The following HOMER1 variants were observed in gnomAD, a reference collection of about 807,000 sequenced individuals.
HOMER1 encodes the protein homer protein homolog 1.
A neutral mutation model predicts 48.9 loss-of-function variants in HOMER1; 3 were observed. That is an observed-to-expected ratio of 0.06 (90% CI 0.03 to 0.16). HOMER1 has a LOEUF of 0.16. Among genes scored for constraint, HOMER1 ranks in the 10% least tolerant of loss-of-function variants. The pLI, the probability that HOMER1 is intolerant of heterozygous loss-of-function variation, is 1.00. For synonymous variants in HOMER1, 134 were observed against 146.4 expected, an observed-to-expected ratio of 0.92 and a Z score of 0.61; for missense variants, 247 against 411.4, an observed-to-expected ratio of 0.60 and a Z score of 3.46.
At chr5:79,430,161 C>T (rs78081905) in intron 5 of HOMER1, among the ~76,000 whole-genome samples, 4,195 of 151,818 alleles carry the variant, frequency 0.028, 136 homozygotes, top group East Asian at 0.12. Context: ...TTATAAAGAA[C>T]TACAACTCAA....
At chr5:79,445,709 C>T (rs1750856448) in intron 4 of HOMER1, among the ~76,000 whole-genome samples, 1 of 152,096 alleles carries the variant, frequency 6.6e-6, no homozygotes, top group Non-Finnish European at 1.5e-5. Context: ...CACTTGAGGC[C>T]AGGGAGACCA....
rs1032633694 is a variant in HOMER1, at chr5:79,375,158, T to C, written c.*851A>G. 2.0e-5 allele frequency: 3 copies of C among 152,066 alleles called. No homozygotes were observed. Among genetic ancestry groups the C allele is most frequent in the African/African-American group, 7.2e-5 (3 of 41,438 alleles). 9.4% of individuals were successfully genotyped at this position (152,066 alleles called of 1,614,324 possible). A position where few individuals can be genotyped will look rare whatever the true frequency, so the allele number is the denominator to read the frequency against. On this transcript the variant is annotated 3_prime_UTR_variant, in exon 9 of 9. Transcript: ENST00000334082. ...GCATATTCTGTAAATATACTTAACATTGCTAGACCAGCCTGTCAATGACGG... is the reference window on the plus strand; with the variant it reads ...GCATATTCTGTAAATATACTTAACACTGCTAGACCAGCCTGTCAATGACGG...
chr5:79,456,829 C>G, intron 2 of HOMER1, 33 bp downstream of exon 2: 1 of 1,591,130 alleles, frequency 6.3e-7, no homozygotes, highest in Non-Finnish European at 8.6e-7. Flanking sequence ...AAAAGCAAAA[C>G]CAGCCAAATC....
intron 8 of HOMER1, among the ~76,000 whole-genome samples, chr5:79,387,482 G>A (rs969528526): frequency 6.6e-6 from 1 of 152,008 alleles, no homozygotes; most frequent in African/African-American, 2.4e-5. Context: ...TAGAAAAATT[G>A]ACATCTGATA....
intron 1 of HOMER1, among the ~76,000 whole-genome samples, chr5:79,483,735 GAT>G (rs1448260041): frequency 6.9e-6 from 1 of 144,110 alleles, no homozygotes; most frequent in Admixed American, 7.0e-5. Flanking sequence ...CTCTTTAAAA[GAT>G]AATTGACCGT....
chr5:79,449,324 A>G (rs1281932039), intron 3 of HOMER1, among the ~76,000 whole-genome samples: 2 of 152,244 alleles, frequency 1.3e-5, no homozygotes, highest in African/African-American at 2.4e-5. Context: ...ATTTCTCAAC[A>G]GAACTGTTTA....
At chr5:79,398,735 C>T (rs1039573834) in intron 6 of HOMER1, among the ~76,000 whole-genome samples, 4 of 151,984 alleles carry the variant, frequency 2.6e-5, no homozygotes, top group African/African-American at 7.3e-5. Context: ...GTATATTGGC[C>T]CCAACCTTCT....
chr5:79,428,850 G>T (rs998149335), intron 5 of HOMER1, among the ~76,000 whole-genome samples: 4 of 152,082 alleles, frequency 2.6e-5, no homozygotes, highest in Non-Finnish European at 5.9e-5. Context: ...GAACATTTTG[G>T]CCGTGAGCTC....
At chr5:79,495,545 G>C (rs1752396983) in intron 1 of HOMER1, among the ~76,000 whole-genome samples, 1 of 152,116 alleles carries the variant, frequency 6.6e-6, no homozygotes, top group Non-Finnish European at 1.5e-5. Flanking sequence ...ACTTATCTTT[G>C]TACTACCAGT....
chr5:79,422,256 GA>G (rs1252643390), intron 5 of HOMER1, among the ~76,000 whole-genome samples: 1 of 151,630 alleles, frequency 6.6e-6, no homozygotes, highest in Non-Finnish European at 1.5e-5. Flanking sequence ...AAATCAACAT[GA>G]CTGTGCTGAC....
chr5:79,425,354 A>G (rs936491663), intron 5 of HOMER1, among the ~76,000 whole-genome samples: 2 of 151,364 alleles, frequency 1.3e-5, no homozygotes, highest in Admixed American at 1.3e-4. Context: ...CTTTTCCATA[A>G]AAAGGCAAAA....
At chr5:79,455,390 T>C (rs1390336623) in intron 2 of HOMER1, among the ~76,000 whole-genome samples, 1 of 152,128 alleles carries the variant, frequency 6.6e-6, no homozygotes, top group African/African-American at 2.4e-5. Flanking sequence ...GTTTCCCCAA[T>C]GCTGTTCTTG....
chr5:79,470,668 T>A (rs6879680), intron 1 of HOMER1, among the ~76,000 whole-genome samples: 134 of 152,332 alleles, frequency 8.8e-4, no homozygotes, highest in Middle Eastern at 3.4e-3. Flanking sequence ...TTTTAATGAC[T>A]AAATTCAATG....
At chr5:79,493,908 T>G (rs1752354179) in intron 1 of HOMER1, among the ~76,000 whole-genome samples, 1 of 152,182 alleles carries the variant, frequency 6.6e-6, no homozygotes, top group African/African-American at 2.4e-5. Context: ...CTGCTCCTCA[T>G]CCTTCAACAC....
rs569335774 is a variant in HOMER1 at position 79,416,619 on chromosome 5, A to T, written c.528-14564T>A. Among the ~76,000 whole-genome samples, 3 of 152,330 alleles carry T rather than the reference A, an allele frequency of 2.0e-5. No homozygotes were observed. The South Asian group carries it at 6.2e-4, about 32-fold the overall frequency. The stretch of plus-strand genomic sequence containing the variant: ...CCATTGGAGATGGCTCCACACTGTA[A>T]CATCTGCTAACATCTGTGCACTGCT... On this transcript the variant is annotated intron_variant, in intron 5 of 8. Coordinates refer to ENST00000334082, the MANE Select transcript of HOMER1 (RefSeq NM_004272.5).
chr5:79,498,568 G>A (rs1752487761), intron 1 of HOMER1, among the ~76,000 whole-genome samples: 2 of 152,244 alleles, frequency 1.3e-5, no homozygotes, highest in South Asian at 2.1e-4. Context: ...TTTTAGGCAG[G>A]ATCTCTTCTC....
chr5:79,463,545 A>C (rs1751375401), intron 1 of HOMER1, among the ~76,000 whole-genome samples: 1 of 152,228 alleles, frequency 6.6e-6, no homozygotes, highest in Non-Finnish European at 1.5e-5. Flanking sequence ...TCTATATGAT[A>C]ATACGTTTGC....
At chr5:79,418,655 T>C (rs879699827) in intron 5 of HOMER1, among the ~76,000 whole-genome samples, 3 of 152,196 alleles carry the variant, frequency 2.0e-5, no homozygotes, top group Admixed American at 1.3e-4. Context: ...GACTTGGGCT[T>C]CCTTTAACCT....
At position 79,439,724 on chromosome 5, in the gene HOMER1, G is replaced by A. The variant is rs145018925; in HGVS notation, c.388-575C>T. On this transcript the variant is annotated intron_variant, in intron 4 of 8. Transcript: ENST00000334082. ...ACCTATTATCTATAATGATGTTAGT[G>A]CATTTCAACTTATCTTGTCTGGTAC... Among the ~76,000 whole-genome samples the A allele has an allele frequency of 8.0e-3, 1,218 of 152,102 alleles. 12 individuals carry two copies. Among genetic ancestry groups the A allele is most frequent in the African/African-American group, 0.028 (1,173 of 41,494 alleles).
Sources: allele counts gnomAD v4.1 joint callset (sites outside exome capture counted in the v4.1 genomes callset), GRCh38; gene constraint gnomAD v4.1.1; transcripts MANE v1.5; gene names NCBI Gene and HGNC (gene_info 2026-07-23, HGNC 2026-07-21).